Variants in TRIM3 observed in about 807,000 individuals in gnomAD.
The protein encoded by TRIM3 is tripartite motif-containing protein 3.
In TRIM3, 13 loss-of-function variants were observed where a neutral mutation model predicts 66.6. The observed-to-expected ratio is 0.20, with a 90% CI of 0.13 to 0.31. The LOEUF (loss-of-function observed/expected upper bound fraction) is 0.31. TRIM3 is among the 10% of genes least tolerant of loss of function. The pLI, the probability that TRIM3 is intolerant of heterozygous loss-of-function variation, is 1.00. For synonymous variants in TRIM3, 406 were observed against 411.7 expected (o/e 0.99, Z 0.17); for missense variants, 711 against 1,020.4 (o/e 0.70, Z 4.13).
At chr11:6,451,822 G>A (rs1376897533) in intron 7 of TRIM3, 2 of 211,494 alleles carry the variant, frequency 9.5e-6, no homozygotes, top group Admixed American at 5.5e-5. Context: ...GACTTGTCCA[G>A]TGTGGCTGGA....
chr11:6,453,394 C>G (rs977434599), intron 7 of TRIM3: 1 of 152,218 alleles, frequency 6.6e-6, no homozygotes, highest in East Asian at 1.9e-4. Flanking sequence ...TCTCTAGAAT[C>G]TGCTGGTGTC....
upstream of TRIM3, chr11:6,474,137 A>T (rs1034508700): frequency 6.9e-6 from 1 of 144,796 alleles, no homozygotes; most frequent in Admixed American, 7.1e-5. Flanking sequence ...GCTGCTAGGG[A>T]GCCGGCGGGC....
Position 6,449,374 on chromosome 11 carries a change from G to A in TRIM3, c.2014C>T (p.Pro672Ser). 6.2e-7 allele frequency: 1 copy of A among 1,614,086 alleles called. No individual in the cohort carries two copies. Among genetic ancestry groups the A allele is most frequent in the Non-Finnish European group, 8.5e-7 (1 of 1,179,952 alleles). ...HGEGNGQFNA[P>S]TGVAVDSNGN... ...TTGGAGTCCACAGCTACTCCTGTGG[G>A]GGCATTGAACTGCCCATTGCCCTCG... is the stretch of plus-strand genomic sequence containing the variant. Residue 672 changes from proline to serine, a missense_variant, in exon 11 of 12, where the codon CCC becomes TCC. Pro to Ser is a moderately conservative substitution (Grantham distance 74). Coordinates refer to ENST00000345851, the MANE Select transcript of TRIM3 (RefSeq NM_033278.4). This position sits in a 1 kb window ranked among gnomAD's most constrained non-coding sequence, Gnocchi z 5.3.
rs777319242 is a variant in TRIM3 at position 6,456,937 on chromosome 11, C to T, written c.789G>A (p.Ser263=). The T allele has an allele frequency of 1.9e-6, 3 of 1,610,388 alleles. No individual in the cohort carries two copies. The highest frequency in any genetic ancestry group is 2.2e-5 in the South Asian group (2 of 91,078). Residue 263 remains serine, a synonymous_variant, in exon 6 of 12, where the codon TCG becomes TCA. Transcript: ENST00000345851. The surrounding 1 kb of genome is among the most constrained non-coding windows in gnomAD (Gnocchi z 6.4). ...TGCGCACCAGCAACACCTCCGGGGC[C>T]GAGCCCAGGCGCAGTGCCTGCTCTG... The part of the protein sequence containing the change: ...SFAEQALRLG[S]APEVLLVRKH...
rs565255732 is a variant in TRIM3 at position 6,449,277 on chromosome 11, C to G, written c.2082+29G>C. 3.0e-5 allele frequency: 49 copies of G among 1,610,994 alleles called. No homozygotes were observed. The African/African-American group carries it at 5.9e-4, about 19-fold the overall frequency. ...ATATGGGACACACCAGGAAACCGCC[C>G]CCTCATGTCATTCCCAGGCCTTACT... On this transcript the variant is annotated intron_variant, in intron 11 of 11. Coordinates refer to ENST00000345851, the MANE Select transcript of TRIM3 (RefSeq NM_033278.4). This position sits in a 1 kb window ranked among gnomAD's most constrained non-coding sequence, Gnocchi z 5.3.
At chr11:6,469,044 A>C (rs546371933) in intron 1 of TRIM3, among the ~76,000 whole-genome samples, 2 of 152,322 alleles carry the variant, frequency 1.3e-5, no homozygotes, top group East Asian at 3.9e-4. Flanking sequence ...CTACAGTTGT[A>C]ATGGGTTCTG....
At chr11:6,454,902 T>C (rs755992857) in intron 7 of TRIM3, among the ~76,000 whole-genome samples, 5 of 152,106 alleles carry the variant, frequency 3.3e-5, no homozygotes, top group Non-Finnish European at 5.9e-5. Context: ...GAAGTAAGGA[T>C]CTTCAGCGAA....
chr11:6,457,683 G>C lies in TRIM3; in HGVS notation c.515+13C>G. On this transcript the variant is annotated intron_variant, in intron 4 of 11. Transcript: ENST00000345851. This position sits in a 1 kb window ranked among gnomAD's most constrained non-coding sequence, Gnocchi z 4.5. The stretch of plus-strand genomic sequence containing the variant: ...TGTGGCCCCACCAGCCCAGGACCCT[G>C]CCCAGTGCCTACCGGCCACGCACAG... 1.2e-6 allele frequency: 2 copies of C among 1,608,744 alleles called. No individual in the cohort carries two copies. Among genetic ancestry groups the C allele is most frequent in the South Asian group, 1.1e-5 (1 of 90,826 alleles).
chr11:6,448,738 G>T lies in TRIM3; in HGVS notation c.*290C>A. On this transcript the variant is annotated 3_prime_UTR_variant, in exon 12 of 12. Coordinates refer to ENST00000345851, the MANE Select transcript of TRIM3 (RefSeq NM_033278.4). The stretch of plus-strand genomic sequence containing the variant: ...GGGTAGGCTGTTCTGGCCCCAGGCT[G>T]GGGGATGGGGAGCAGACTGACAGGG... 1.6e-6 allele frequency: 1 copy of T among 612,436 alleles called. No homozygotes were observed. The highest frequency in any genetic ancestry group is 2.9e-6 in the Non-Finnish European group (1 of 344,666). 37.9% of individuals were successfully genotyped at this position (612,436 alleles called of 1,614,324 possible).
At chr11:6,472,157 G>T (rs986093247) in intron 1 of TRIM3, among the ~76,000 whole-genome samples, 1 of 152,134 alleles carries the variant, frequency 6.6e-6, no homozygotes, top group Non-Finnish European at 1.5e-5. Flanking sequence ...CTAGGATCTA[G>T]TCCTAATGCT....
intron 7 of TRIM3, among the ~76,000 whole-genome samples, chr11:6,455,515 G>A (rs562679669): frequency 7.2e-4 from 110 of 152,300 alleles, no homozygotes; most frequent in Middle Eastern, 3.4e-3. Context: ...TGCGGTTGAT[G>A]CCATAATCAG....
chr11:6,454,142 G>A (rs1480267612), intron 7 of TRIM3, among the ~76,000 whole-genome samples: 1 of 152,180 alleles, frequency 6.6e-6, no homozygotes, highest in African/African-American at 2.4e-5. Flanking sequence ...ACTTTCAGAG[G>A]CCAAGGCAGG....
At chr11:6,454,486 G>C (rs1849883996) in intron 7 of TRIM3, among the ~76,000 whole-genome samples, 1 of 152,080 alleles carries the variant, frequency 6.6e-6, no homozygotes, top group Admixed American at 6.5e-5. Context: ...GCACACCTGT[G>C]TGTGTGCACA....
chr11:6,455,706 G>A (rs1336436291), intron 7 of TRIM3, among the ~76,000 whole-genome samples: 1 of 152,150 alleles, frequency 6.6e-6, no homozygotes, highest in Non-Finnish European at 1.5e-5. Flanking sequence ...AGACACGGAG[G>A]GCAGGCCACC....
intron 1 of TRIM3, among the ~76,000 whole-genome samples, chr11:6,470,474 G>C (rs1287481271): frequency 6.6e-6 from 1 of 152,160 alleles, no homozygotes; most frequent in Non-Finnish European, 1.5e-5. Context: ...TATGATCATA[G>C]CTCACTGTAG....
At chr11:6,451,110 G>T (rs1318349954) in intron 8 of TRIM3, 50 bp from the exon 9 acceptor site, 1 of 1,609,214 alleles carries the variant, frequency 6.2e-7, no homozygotes, top group Non-Finnish European at 8.5e-7. Flanking sequence ...AGTGGGGAAA[G>T]TAGTCCTAAC....
At chr11:6,462,515 C>T (rs975091741) in intron 2 of TRIM3, among the ~76,000 whole-genome samples, 1 of 152,092 alleles carries the variant, frequency 6.6e-6, no homozygotes, top group Non-Finnish European at 1.5e-5. Context: ...TCAAATGATC[C>T]TCCCACCTCA....
Position 6,450,718 on chromosome 11 carries a change from G to A in TRIM3, c.1871-97C>T. ...GATAAAAGCTAGGGTGTTAGGAGAG[G>A]GGTGGGGTCTCCAGGACTGAGACAA... On this transcript the variant is annotated intron_variant, in intron 9 of 11. Coordinates refer to ENST00000345851, the MANE Select transcript of TRIM3 (RefSeq NM_033278.4). This position sits in a 1 kb window ranked among gnomAD's most constrained non-coding sequence, Gnocchi z 4.8. 7.1e-7 allele frequency: 1 copy of A among 1,414,104 alleles called. No homozygotes were observed. The highest frequency in any genetic ancestry group is 2.3e-5 in the East Asian group (1 of 43,718). The allele number at this position is 1,414,104 out of a possible 1,614,324, so 87.6% of individuals were successfully genotyped here.
At position 6,449,597 on chromosome 11, in the gene TRIM3, G is replaced by A. The variant is rs1350229905; in HGVS notation, c.1942-151C>T. The A allele has an allele frequency of 1.5e-6, 1 of 652,192 alleles. No individual in the cohort carries two copies. Among genetic ancestry groups the A allele is most frequent in the Admixed American group, 3.0e-5 (1 of 33,354 alleles). The allele number at this position is 652,192 out of a possible 1,614,324, so 40.4% of individuals were successfully genotyped here. The stretch of plus-strand genomic sequence containing the variant: ...TGCTTCATAGGCTTCACATCCATGT[G>A]CCCTACTGCCTAGTAGACATCTCTT... On this transcript the variant is annotated intron_variant, in intron 10 of 11. Transcript: ENST00000345851. This position sits in a 1 kb window ranked among gnomAD's most constrained non-coding sequence, Gnocchi z 5.3.
Sources: gnomAD v4.1 joint callset for allele counts (sites outside exome capture counted in the v4.1 genomes callset) on GRCh38, gnomAD v4.1.1 for gene constraint, Gnocchi (gnomAD v3.1) non-coding constraint, MANE v1.5 for transcripts, NCBI Gene and HGNC (gene_info 2026-07-23, HGNC 2026-07-21) for gene names.